ATP8A1: variants seen among roughly 807,000 people sequenced by gnomAD.
ATP8A1 encodes phospholipid-transporting ATPase IA.
A neutral mutation model predicts 177.7 loss-of-function variants in ATP8A1; 90 were observed. The observed-to-expected ratio is 0.51, with a 90% CI of 0.43 to 0.60. The LOEUF (loss-of-function observed/expected upper bound fraction) is 0.60. ATP8A1 is among the 20% of genes least tolerant of loss of function. ATP8A1 has a pLI of 0.00. For synonymous variants in ATP8A1, 493 were observed against 485.9 expected (o/e 1.01, Z -0.19); for missense variants, 1,072 against 1,392.8 (o/e 0.77, Z 3.67).
chr4:42,475,417 G>T (rs1720937498), intron 25 of ATP8A1, among the ~76,000 whole-genome samples: 1 of 148,586 alleles, frequency 6.7e-6, no homozygotes, highest in Non-Finnish European at 1.5e-5. Context: ...TGAACATAAG[G>T]ATTTGGAGAA....
chr4:42,557,205 T>C lies in ATP8A1; in HGVS notation c.1341-1165A>G, dbSNP rs137924799. ...ACATCTTTATTAGCAGGTAGTAGTT[T>C]AGAATGATCAAAATACCCTTGGGGG... On this transcript the variant is annotated intron_variant, in intron 15 of 36. Transcript: ENST00000381668. 1.1e-4 allele frequency among the ~76,000 whole-genome samples: 17 copies of C among 152,304 alleles called. No individual in the cohort carries two copies. In the East Asian group the frequency reaches 3.3e-3, roughly 29 times the overall value.
intron 7 of ATP8A1, among the ~76,000 whole-genome samples, chr4:42,589,655 T>A (rs1733961460): frequency 2.0e-5 from 3 of 152,214 alleles, no homozygotes; most frequent in Admixed American, 2.0e-4. Flanking sequence ...CAAAATTTTA[T>A]TTTTAAAATC....
At chr4:42,471,723 A>G (rs1468949557) in intron 25 of ATP8A1, 1 of 284,906 alleles carries the variant, frequency 3.5e-6, no homozygotes, top group Non-Finnish European at 6.9e-6. Context: ...ATCTAGTTAT[A>G]TTGAACCTAG....
chr4:42,623,640 T>C (rs1737727889), intron 4 of ATP8A1, among the ~76,000 whole-genome samples: 1 of 151,694 alleles, frequency 6.6e-6, no homozygotes, highest in Admixed American at 6.6e-5. Flanking sequence ...TAAATGGGAG[T>C]AAATGATGAG....
rs141880771 is a variant in ATP8A1 at position 42,621,541 on chromosome 4, A to G, written c.363+2995T>C. Reference sequence around the variant, plus strand: ...GAGGTGAAAGATCTCTACAAGGAAAACTACAAACCACTGCTCAATGAAATC... The same window carrying G: ...GAGGTGAAAGATCTCTACAAGGAAAGCTACAAACCACTGCTCAATGAAATC... On this transcript the variant is annotated intron_variant, in intron 4 of 36. Transcript: ENST00000381668. Among the ~76,000 whole-genome samples, 155 of 152,334 alleles carry G rather than the reference A, an allele frequency of 1.0e-3. 1 individual carries two copies. In the East Asian group the frequency reaches 0.028, roughly 28 times the overall value.
chr4:42,527,646 G>A (rs1031117070), intron 20 of ATP8A1, among the ~76,000 whole-genome samples: 7 of 152,148 alleles, frequency 4.6e-5, no homozygotes, highest in African/African-American at 1.7e-4. Context: ...AAGTCCCAGC[G>A]AGTCCCTAGA....
At chr4:42,529,113 A>T (rs1224468713) in intron 20 of ATP8A1, among the ~76,000 whole-genome samples, 1 of 152,142 alleles carries the variant, frequency 6.6e-6, no homozygotes, top group Non-Finnish European at 1.5e-5. Flanking sequence ...CCCAGTTTTG[A>T]GTGGGGTCCA....
At chr4:42,551,356 G>T in intron 17 of ATP8A1, 76 bp from the exon 18 acceptor site, 1 of 987,164 alleles carries the variant, frequency 1.0e-6, no homozygotes, top group Non-Finnish European at 1.6e-6. Context: ...AGTACATTAA[G>T]GTAATATAAT....
At chr4:42,581,220 G>A (rs923703516) in intron 10 of ATP8A1, among the ~76,000 whole-genome samples, 25 of 151,822 alleles carry the variant, frequency 1.6e-4, no homozygotes, top group Admixed American at 5.9e-4. Context: ...TGCAAGCTCC[G>A]CCTCCTGGAT....
rs138958233 is a variant in ATP8A1 at position 42,556,987 on chromosome 4, T to C, written c.1341-947A>G. 2.9e-3 allele frequency among the ~76,000 whole-genome samples: 443 copies of C among 152,312 alleles called. 3 individuals carry two copies. The highest frequency in any genetic ancestry group is 9.3e-3 in the African/African-American group (386 of 41,580). On this transcript the variant is annotated intron_variant, in intron 15 of 36. Coordinates refer to ENST00000381668, the MANE Select transcript of ATP8A1 (RefSeq NM_006095.2). ...CATGTCAGATATCAAGACTGTCATA[T>C]TGTAAAGGCAGCAGCTTGACAGGAC... is the stretch of plus-strand genomic sequence containing the variant.
chr4:42,476,631 A>T (rs1236835992), intron 25 of ATP8A1, among the ~76,000 whole-genome samples: 3 of 152,022 alleles, frequency 2.0e-5, no homozygotes, highest in African/African-American at 7.3e-5. Flanking sequence ...AAAAAAGTTA[A>T]CAGAAGAACA....
At chr4:42,566,456 T>C (rs77696246) in intron 15 of ATP8A1, among the ~76,000 whole-genome samples, 91 of 152,286 alleles carry the variant, frequency 6.0e-4, no homozygotes, top group African/African-American at 2.2e-3. Flanking sequence ...GGGATCACAC[T>C]TTTGATCTTG....
intron 15 of ATP8A1, among the ~76,000 whole-genome samples, 180 bp downstream of exon 15, chr4:42,568,981 C>A (rs1386320768): frequency 1.3e-5 from 2 of 152,108 alleles, no homozygotes; most frequent in Non-Finnish European, 2.9e-5. Context: ...CATCAAAAAT[C>A]AGGAATATTC....
chr4:42,631,064 T>A (rs1738678440), intron 1 of ATP8A1, among the ~76,000 whole-genome samples: 1 of 152,202 alleles, frequency 6.6e-6, no homozygotes, highest in Non-Finnish European at 1.5e-5. Context: ...ACAGGGTGAA[T>A]AATGATACAG....
At chr4:42,558,145 C>T (rs1044325700) in intron 15 of ATP8A1, among the ~76,000 whole-genome samples, 21 of 152,268 alleles carry the variant, frequency 1.4e-4, no homozygotes, top group African/African-American at 4.1e-4. Flanking sequence ...GGAGCTTCCA[C>T]CACTCCTCTC....
At position 42,627,021 on chromosome 4, in the gene ATP8A1, C is replaced by A. The variant is rs16854624; in HGVS notation, c.138G>T (p.Leu46=). Residue 46 remains leucine (L), a synonymous_variant, in exon 2 of 37, where the codon CTG becomes CTT. Transcript: ENST00000381668. ...VRTIFINQPQ[L]TKFCNNHVST... ...TGACATGGTTATTGCAGAATTTTGT[C>A]AGCTGGGGCTGGTTGATGAAAATAG... 1 of 1,613,948 alleles carries A rather than the reference C, an allele frequency of 6.2e-7. No individual in the cohort carries two copies. Among genetic ancestry groups the A allele is most frequent in the Non-Finnish European group, 8.5e-7 (1 of 1,179,904 alleles).
intron 36 of ATP8A1, among the ~76,000 whole-genome samples, chr4:42,413,388 T>C (rs900853738): frequency 6.6e-6 from 1 of 152,040 alleles, no homozygotes; most frequent in African/African-American, 2.4e-5. Context: ...GTCAGGTGGA[T>C]GAGAGGAAAG....
At chr4:42,578,162 C>A in intron 12 of ATP8A1, 98 bp downstream of exon 12, 2 of 1,166,392 alleles carry the variant, frequency 1.7e-6, no homozygotes, top group South Asian at 2.0e-5. Flanking sequence ...GGTCAAGAAA[C>A]GGTAGATATA....
intron 25 of ATP8A1, among the ~76,000 whole-genome samples, chr4:42,466,331 A>G (rs903869220): frequency 7.2e-5 from 11 of 152,328 alleles, no homozygotes; most frequent in African/African-American, 2.6e-4. Flanking sequence ...ATCATTTACT[A>G]TTCTATTTAA....
Sources: allele counts gnomAD v4.1 joint callset (sites outside exome capture counted in the v4.1 genomes callset), GRCh38; gene constraint gnomAD v4.1.1; transcripts MANE v1.5; gene names NCBI Gene and HGNC (gene_info 2026-07-23, HGNC 2026-07-21).